The following KHDRBS2 variants were observed in gnomAD, a reference collection of about 807,000 sequenced individuals.
The protein encoded by KHDRBS2 is KH domain-containing, RNA-binding, signal transduction-associated protein 2.
In KHDRBS2, 26 loss-of-function variants were observed where a neutral mutation model predicts 44.3. The ratio of observed to expected loss-of-function variants is 0.59; its 90% CI spans 0.43 to 0.81. The LOEUF is 0.81. KHDRBS2 is among the 40% of genes least tolerant of loss of function. The pLI is 0.00. For synonymous variants in KHDRBS2, 194 were observed against 151.1 expected (o/e 1.28, Z -2.08); for missense variants, 476 against 433.1 (o/e 1.10, Z -0.88).
At chr6:61,574,544 A>G in the KHDRBS2 span, 3 of 541,412 alleles carry the variant, frequency 5.5e-6, no homozygotes, top group Non-Finnish European at 9.7e-6. Context: ...CCTCCGAGCA[A>G]CATATGCTGA....
intron 3 of KHDRBS2, among the ~76,000 whole-genome samples, chr6:62,041,912 C>A (rs1786622903): frequency 6.6e-6 from 1 of 151,958 alleles, no homozygotes; most frequent in South Asian, 2.1e-4. Context: ...CACAGGCACA[C>A]TACACTGAAT....
chr6:61,728,829 A>C (rs999851161), intron 7 of KHDRBS2, among the ~76,000 whole-genome samples: 2 of 152,112 alleles, frequency 1.3e-5, no homozygotes, highest in Non-Finnish European at 2.9e-5. Context: ...TTTTTTTACT[A>C]TATTTTCTTT....
intron 3 of KHDRBS2, among the ~76,000 whole-genome samples, chr6:62,008,721 A>T (rs892695654): frequency 1.3e-5 from 2 of 152,126 alleles, no homozygotes; most frequent in Non-Finnish European, 2.9e-5. Flanking sequence ...TTCTCATGAT[A>T]TTGAATGGGC....
chr6:61,673,890 C>T, the KHDRBS2 span, among the ~76,000 whole-genome samples: 2 of 149,300 alleles, frequency 1.3e-5, no homozygotes, highest in South Asian at 4.3e-4. Context: ...CATCAAGCTA[C>T]CAATGACTTT....
At chr6:62,161,125 A>G (rs1363575434) in intron 2 of KHDRBS2, among the ~76,000 whole-genome samples, 1 of 151,982 alleles carries the variant, frequency 6.6e-6, no homozygotes, top group Non-Finnish European at 1.5e-5. Flanking sequence ...TCCATGTTGC[A>G]GCATGTGCCA....
At chr6:62,113,357 C>T (rs1805468307) in intron 2 of KHDRBS2, among the ~76,000 whole-genome samples, 1 of 152,040 alleles carries the variant, frequency 6.6e-6, no homozygotes, top group African/African-American at 2.4e-5. Flanking sequence ...CAGTTGAGAA[C>T]ATAATTTTAA....
chr6:62,161,338 A>G (rs1459672048), intron 2 of KHDRBS2, among the ~76,000 whole-genome samples: 1 of 151,598 alleles, frequency 6.6e-6, no homozygotes, highest in African/African-American at 2.4e-5. Context: ...ATTAAACCAT[A>G]AATTTAAAAA....
intron 7 of KHDRBS2, among the ~76,000 whole-genome samples, chr6:61,706,951 A>AC (rs200837041): frequency 1.0e-3 from 156 of 149,384 alleles, no homozygotes; most frequent in South Asian, 1.9e-3. Context: ...CAAAAACAAA[A>AC]ACAAAAACAA....
intron 3 of KHDRBS2, among the ~76,000 whole-genome samples, chr6:61,990,059 C>T (rs886348831): frequency 6.6e-6 from 1 of 152,166 alleles, no homozygotes; most frequent in East Asian, 1.9e-4. Context: ...AGAATGCACC[C>T]TCTCTGGGTT....
intron 2 of KHDRBS2, among the ~76,000 whole-genome samples, chr6:62,077,389 G>A (rs1796553224): frequency 6.6e-6 from 1 of 152,034 alleles, no homozygotes; most frequent in East Asian, 1.9e-4. Flanking sequence ...ATGCACTGCA[G>A]TTTTCTGAAA....
intron 7 of KHDRBS2, among the ~76,000 whole-genome samples, chr6:61,719,755 A>G (rs1342574259): frequency 6.6e-6 from 1 of 151,808 alleles, no homozygotes; most frequent in Non-Finnish European, 1.5e-5. Flanking sequence ...GCTGCCTCCT[A>G]TGGACTCTTT....
the KHDRBS2 span, among the ~76,000 whole-genome samples, chr6:61,608,487 A>G: frequency 1.3e-5 from 2 of 151,910 alleles, no homozygotes; most frequent in South Asian, 4.1e-4. Context: ...TGTGCAGAAC[A>G]TGCAGGTTTG....
At chr6:62,108,154 G>C (rs934740477) in intron 2 of KHDRBS2, among the ~76,000 whole-genome samples, 7 of 152,152 alleles carry the variant, frequency 4.6e-5, no homozygotes, top group African/African-American at 1.7e-4. Flanking sequence ...AGAGTGAACA[G>C]GCAACCTACA....
At chr6:61,664,534 T>C in the KHDRBS2 span, among the ~76,000 whole-genome samples, 2 of 151,748 alleles carry the variant, frequency 1.3e-5, no homozygotes, top group Non-Finnish European at 2.9e-5. Flanking sequence ...AATCCTGATG[T>C]ATACATATTT....
intron 6 of KHDRBS2, among the ~76,000 whole-genome samples, chr6:61,862,107 T>C (rs772687180): frequency 7.9e-5 from 12 of 152,118 alleles, no homozygotes; most frequent in Non-Finnish European, 1.2e-4. Flanking sequence ...CTTAAGAAGT[T>C]GTAGGACTCA....
chr6:61,764,871 C>G (rs1343267041), intron 6 of KHDRBS2, among the ~76,000 whole-genome samples: 1 of 151,916 alleles, frequency 6.6e-6, no homozygotes, highest in African/African-American at 2.4e-5. Flanking sequence ...TGTGTAGAAG[C>G]TGATAAAGAC....
chr6:61,719,930 C>T (rs905269416), intron 7 of KHDRBS2, among the ~76,000 whole-genome samples: 1 of 152,156 alleles, frequency 6.6e-6, no homozygotes, highest in African/African-American at 2.4e-5. Context: ...CCTCCCGCCT[C>T]TTCCCACCCC....
rs1472952533 is a variant in KHDRBS2 at position 61,765,791 on chromosome 6, CATTG to C, written c.811-33031_811-33028del. Among the ~76,000 whole-genome samples, 24 of 152,208 alleles carry C rather than the reference CATTG, an allele frequency of 1.6e-4. No individual in the cohort carries two copies. In the East Asian group the frequency reaches 3.9e-3, roughly 25 times the overall value. On this transcript the variant is annotated intron_variant, in intron 6 of 8. Coordinates refer to ENST00000281156, the MANE Select transcript of KHDRBS2 (RefSeq NM_152688.4). Reference sequence around the variant, plus strand: ...TTCATTCTGTTCACATAATGTATCACATTGATTGATTTGCATATGTTGAATCATC... The same window carrying C: ...TTCATTCTGTTCACATAATGTATCACATTGATTTGCATATGTTGAATCATC...
intron 4 of KHDRBS2, among the ~76,000 whole-genome samples, chr6:61,929,587 G>T (rs1809634926): frequency 6.6e-6 from 1 of 152,112 alleles, no homozygotes; most frequent in Non-Finnish European, 1.5e-5. Context: ...ATATTAAGAA[G>T]ATTCTGGCAG....
Sources: gnomAD v4.1 joint callset for allele counts (sites outside exome capture counted in the v4.1 genomes callset) on GRCh38, gnomAD v4.1.1 for gene constraint, MANE v1.5 for transcripts, NCBI Gene and HGNC (gene_info 2026-07-23, HGNC 2026-07-21) for gene names.